The following LCP1 variants were observed in gnomAD, a reference collection of about 807,000 sequenced individuals.
LCP1 encodes plastin-2.
LCP1 carries 23 observed loss-of-function variants against 72.0 expected under a neutral mutation model. The observed-to-expected ratio is 0.32, with a 90% CI of 0.23 to 0.45. The LOEUF is 0.45. Among genes scored for constraint, LCP1 ranks in the 20% least tolerant of loss-of-function variants. The probability of loss-of-function intolerance (pLI) is 1.00; values close to 1 mark genes in which losing one functional copy is unlikely to be tolerated. For synonymous variants in LCP1, 245 were observed against 275.4 expected (o/e 0.89, Z 1.09); for missense variants, 571 against 748.3 (o/e 0.76, Z 2.76).
chr13:46,170,674 C>T (rs1566446171), intron 1 of LCP1, among the ~76,000 whole-genome samples: 1 of 152,164 alleles, frequency 6.6e-6, no homozygotes. Context: ...GCTATTCATC[C>T]CCCAGTAATT....
At chr13:46,133,102 T>A (rs748392213) in intron 14 of LCP1, among the ~76,000 whole-genome samples, 14 of 152,112 alleles carry the variant, frequency 9.2e-5, no homozygotes, top group Non-Finnish European at 2.1e-4. Flanking sequence ...TTAATAAAAA[T>A]GAGATTTAGA....
intron 1 of LCP1, 113 bp from the exon 2 acceptor site, chr13:46,159,799 A>T (rs767222012): frequency 9.1e-6 from 6 of 659,880 alleles, no homozygotes; most frequent in Non-Finnish European, 1.6e-5. Context: ...TGCATCCCCC[A>T]TGATTTAGAA....
chr13:46,138,655 G>GT (rs1425035654), intron 13 of LCP1, among the ~76,000 whole-genome samples: 1 of 151,966 alleles, frequency 6.6e-6, no homozygotes, highest in Admixed American at 6.6e-5. Flanking sequence ...TTGTTTGTTT[G>GT]TTTTTTTCTG....
At position 46,146,902 on chromosome 13, in the gene LCP1, A is replaced by T; in HGVS notation, c.1174+6T>A. On this transcript the variant is annotated splice_donor_region_variant and intron_variant, in intron 10 of 15. Transcript: ENST00000323076. ...TCCCCATCTTAGGCAAATCGTTTAC[A>T]GTTACCTTCAAGAGCCCCCCAGTCA... The T allele has an allele frequency of 6.2e-7, 1 of 1,614,074 alleles. No individual in the cohort carries two copies. Among genetic ancestry groups the T allele is most frequent in the South Asian group, 1.1e-5 (1 of 91,056 alleles).
rs776396362 is a variant in LCP1, at chr13:46,130,826, A to G, written c.1739T>C (p.Leu580Pro). The part of the protein sequence containing the change: ...KTENLNDDEK[L>P]NNAKYAISMA... ...TTTATTTACGTACTTTGCATTGTTG[A>G]GTTTCTCATCATCATTCAGATTTTC... The change falls in exon 15 of 16, where the codon CTC (leucine) becomes CCC (proline). Residue 580 changes from leucine (L) to proline (P), a missense_variant. By Grantham distance (98) the Leu-to-Pro change is moderately conservative. Transcript: ENST00000323076. The G allele has an allele frequency of 1.9e-6, 3 of 1,612,392 alleles. No individual in the cohort carries two copies. In the African/African-American group the frequency reaches 4.0e-5, roughly 22 times the overall value.
chr13:46,164,642 C>T (rs2045866662), intron 1 of LCP1, among the ~76,000 whole-genome samples: 1 of 152,214 alleles, frequency 6.6e-6, no homozygotes, highest in East Asian at 1.9e-4. Flanking sequence ...TAATCAGCAA[C>T]TGACATTGCT....
intron 14 of LCP1, among the ~76,000 whole-genome samples, chr13:46,131,631 A>G (rs1644805346): frequency 2.0e-5 from 3 of 152,212 alleles, no homozygotes; most frequent in Admixed American, 1.3e-4. Flanking sequence ...TGAACTAGAT[A>G]GAGAAAATGT....
intron 9 of LCP1, among the ~76,000 whole-genome samples, chr13:46,147,760 A>G (rs549101090): frequency 1.3e-3 from 192 of 152,266 alleles, no homozygotes; most frequent in Middle Eastern, 6.8e-3. Flanking sequence ...TAACCCTAAA[A>G]TTTTGCTGAA....
At chr13:46,139,193 A>G (rs963043360) in intron 13 of LCP1, among the ~76,000 whole-genome samples, 5 of 152,230 alleles carry the variant, frequency 3.3e-5, no homozygotes, top group African/African-American at 1.2e-4. Context: ...GGATACATGC[A>G]GTAAACTAAA....
intron 8 of LCP1, among the ~76,000 whole-genome samples, chr13:46,150,583 C>T (rs997947660): frequency 3.9e-5 from 6 of 152,170 alleles, no homozygotes; most frequent in African/African-American, 7.2e-5. Flanking sequence ...ACAGGGAATT[C>T]CCATCTGCTG....
intron 7 of LCP1, 126 bp downstream of exon 7, chr13:46,152,654 C>G: frequency 2.2e-6 from 2 of 915,400 alleles, no homozygotes; most frequent in Admixed American, 3.0e-5. Flanking sequence ...GACATGAATA[C>G]CATGGAATCA....
At chr13:46,176,138 T>C (rs1037040118) in intron 1 of LCP1, among the ~76,000 whole-genome samples, 1 of 152,322 alleles carries the variant, frequency 6.6e-6, no homozygotes, top group South Asian at 2.1e-4. Flanking sequence ...TCTCATGTTC[T>C]ATAGCACTAT....
At chr13:46,177,416 C>T (rs924056905) in intron 1 of LCP1, among the ~76,000 whole-genome samples, 2 of 151,928 alleles carry the variant, frequency 1.3e-5, no homozygotes, top group Admixed American at 6.5e-5. Flanking sequence ...CCGAGGCAGG[C>T]AGATCACGAG....
rs1318180341 is a variant in LCP1 at position 46,130,831 on chromosome 13, C to T, written c.1734G>A (p.Glu578=). 1.2e-6 allele frequency: 2 copies of T among 1,612,350 alleles called. No homozygotes were observed. The highest frequency in any genetic ancestry group is 2.7e-5 in the African/African-American group (2 of 74,806). Residue 578 remains glutamate (E), a synonymous_variant, in exon 15 of 16, where the codon GAG becomes GAA. Transcript: ENST00000323076. ...TTACGTACTTTGCATTGTTGAGTTTCTCATCATCATTCAGATTTTCTGTCT... is the reference window on the plus strand; with the variant it reads ...TTACGTACTTTGCATTGTTGAGTTTTTCATCATCATTCAGATTTTCTGTCT... ...LLKTENLNDD[E]KLNNAKYAIS...
chr13:46,146,612 T>C (rs1450696289), intron 10 of LCP1, among the ~76,000 whole-genome samples: 2 of 152,230 alleles, frequency 1.3e-5, no homozygotes, highest in East Asian at 3.8e-4. Context: ...AATTATCTTT[T>C]TGAAACTCAG....
At chr13:46,181,208 G>A (rs987222810) in intron 1 of LCP1, among the ~76,000 whole-genome samples, 2 of 152,156 alleles carry the variant, frequency 1.3e-5, no homozygotes, top group Non-Finnish European at 2.9e-5. Flanking sequence ...ATTAATGTTC[G>A]CATTTCCAGT....
At chr13:46,162,390 A>C (rs2045845427) in intron 1 of LCP1, among the ~76,000 whole-genome samples, 1 of 151,408 alleles carries the variant, frequency 6.6e-6, no homozygotes, top group African/African-American at 2.4e-5. Flanking sequence ...GGCTCACTGC[A>C]ACCTCCCTGC....
chr13:46,141,073 A>C (rs1027679466), intron 13 of LCP1, among the ~76,000 whole-genome samples: 1 of 152,144 alleles, frequency 6.6e-6, no homozygotes, highest in African/African-American at 2.4e-5. Context: ...GGAAAGTATA[A>C]ACCCATAGAT....
chr13:46,177,615 G>A (rs1316974263), intron 1 of LCP1, among the ~76,000 whole-genome samples: 1 of 152,164 alleles, frequency 6.6e-6, no homozygotes, highest in African/African-American at 2.4e-5. Context: ...ACTCCAGCCT[G>A]GGTGAGCCAG....
Sources: allele counts gnomAD v4.1 joint callset (sites outside exome capture counted in the v4.1 genomes callset), GRCh38; gene constraint gnomAD v4.1.1; transcripts MANE v1.5; gene names NCBI Gene and HGNC (gene_info 2026-07-23, HGNC 2026-07-21).